Variants in ZNF808 observed in about 807,000 individuals in gnomAD.
ZNF808 encodes the protein zinc finger protein 808.
ZNF808 carries 5 observed loss-of-function variants against 8.7 expected under a neutral mutation model. The ratio of observed to expected loss-of-function variants is 0.58; its 90% CI spans 0.30 to 1.21. The LOEUF is 1.21. Ranked by LOEUF, ZNF808 falls within the 50% of genes most tolerant of loss-of-function variation. ZNF808 has a pLI of 0.07. For synonymous variants in ZNF808, 380 were observed against 366.0 expected, an observed-to-expected ratio of 1.04 and a Z score of -0.44; for missense variants, 1,103 against 1,098.4, an observed-to-expected ratio of 1.00 and a Z score of -0.06.
chr19:52,565,411 T>C (rs1046660293), downstream of ZNF808, among the ~76,000 whole-genome samples: 2 of 152,220 alleles, frequency 1.3e-5, no homozygotes, highest in African/African-American at 4.8e-5. Flanking sequence ...CCTCCCATTT[T>C]ATTCCTAAAC....
intron 1 of ZNF808, among the ~76,000 whole-genome samples, chr19:52,531,028 A>G (rs1351539632): frequency 6.6e-6 from 1 of 152,166 alleles, no homozygotes; most frequent in East Asian, 1.9e-4. Flanking sequence ...ATGCGTCTGT[A>G]GTCCCATCTA....
chr19:52,568,231 G>A (rs1467258254), downstream of ZNF808, among the ~76,000 whole-genome samples: 1 of 152,104 alleles, frequency 6.6e-6, no homozygotes, highest in Non-Finnish European at 1.5e-5. Context: ...GCCATTAGCC[G>A]GGCATGGTGG....
intron 2 of ZNF808, among the ~76,000 whole-genome samples, chr19:52,535,551 T>C (rs1455389465): frequency 2.0e-5 from 3 of 151,880 alleles, no homozygotes; most frequent in Non-Finnish European, 2.9e-5. Flanking sequence ...GTGACCTCAC[T>C]CCTCCCTGGC....
rs1029903079 is a variant in ZNF808 at position 52,556,156 on chromosome 19, A to G, written c.*528A>G. 8.1e-6 allele frequency: 3 copies of G among 369,568 alleles called. No homozygotes were observed. The highest frequency in any genetic ancestry group is 6.4e-5 in the African/African-American group (3 of 46,684). The allele number at this position is 369,568 out of a possible 1,614,324, so 22.9% of individuals were successfully genotyped here. A position where few individuals can be genotyped will look rare whatever the true frequency, so the allele number is the denominator to read the frequency against. On this transcript the variant is annotated 3_prime_UTR_variant, in exon 5 of 5. Coordinates refer to ENST00000359798, the MANE Select transcript of ZNF808 (RefSeq NM_001039886.4). ...GAGTTCAAGCCTTAATTGACATTCA[A>G]GTGTTTATGTTAAGAGGATGGGGCC...
exon 4 of ZNF808, chr19:52,563,700 A>C (rs577060987): frequency 9.0e-4 from 140 of 154,936 alleles, no homozygotes; most frequent in Non-Finnish European, 1.6e-3. Context: ...AGCGGCAGGC[A>C]GACCATCCAC....
In ZNF808 at chr19:52,543,298, A is replaced by G. The variant is rs755459453; in HGVS notation, c.14A>G (p.Glu5Gly). 1.1e-5 allele frequency: 17 copies of G among 1,613,620 alleles called. No individual in the cohort carries two copies. The highest frequency in any genetic ancestry group is 1.0e-5 in the Non-Finnish European group (12 of 1,179,822). ...TTCTAAAGACTCATGTTACGTGAGG[A>G]AGCAGCTCAGAAGAGGAAAGGAAAG... The part of the protein sequence containing the change: MLRE[E>G]AAQKRKGKES... The change falls in exon 3 of 5, where the codon GAA becomes GGA. Residue 5 changes from glutamate to glycine, a missense_variant. Physicochemically the swap from Glu to Gly is moderately conservative, Grantham distance 98 (BLOSUM62 -2). Transcript: ENST00000359798.
At chr19:52,543,732 G>C (rs375267) in intron 3 of ZNF808, among the ~76,000 whole-genome samples, 57,633 of 152,072 alleles carry the variant, frequency 0.38, 12,855 homozygotes, top group African/African-American at 0.6. Flanking sequence ...GTTAATGTGC[G>C]CAGATGTGTG....
chr19:52,551,703 G>A lies in ZNF808; in HGVS notation c.191-1404G>A, dbSNP rs150936856. ...GCAATATAACTGACACACTGCACTC[G>A]TTAATGTCACAAAGTGCCACCAGGT... On this transcript the variant is annotated intron_variant, in intron 4 of 4. Transcript: ENST00000359798. Among the ~76,000 whole-genome samples the A allele has an allele frequency of 9.5e-3, 1,441 of 152,176 alleles. 12 individuals are homozygous for A. The highest frequency in any genetic ancestry group is 0.017 in the Middle Eastern group (5 of 294).
intron 2 of ZNF808, among the ~76,000 whole-genome samples, chr19:52,535,218 T>C (rs964204089): frequency 5.5e-5 from 8 of 146,194 alleles, no homozygotes; most frequent in South Asian, 2.2e-4. Flanking sequence ...GTAGTCCCAG[T>C]TACTCCAAAG....
At chr19:52,535,807 G>A (rs867533307) in intron 2 of ZNF808, among the ~76,000 whole-genome samples, 5 of 152,122 alleles carry the variant, frequency 3.3e-5, no homozygotes, top group Non-Finnish European at 7.4e-5. Context: ...CTTCCTGGCC[G>A]CTCTCACCTC....
At chr19:52,548,227 C>G (rs2059742436) in intron 4 of ZNF808, among the ~76,000 whole-genome samples, 1 of 152,200 alleles carries the variant, frequency 6.6e-6, no homozygotes, top group South Asian at 2.1e-4. Flanking sequence ...GTTCATGTCA[C>G]ATTTTTCACA....
Position 52,555,319 on chromosome 19 carries a change from G to T in ZNF808, c.2403G>T (p.Val801=). Residue 801 remains valine, a synonymous_variant, in exon 5 of 5, where the codon GTG becomes GTT. Coordinates refer to ENST00000359798, the MANE Select transcript of ZNF808 (RefSeq NM_001039886.4). ...YKCTVCDKAF[V]RNSYLARHIR... ...GTACGGTTTGTGACAAGGCTTTCGT[G>T]CGTAATTCATACCTGGCAAGACATA... The T allele has an allele frequency of 6.2e-6, 10 of 1,614,066 alleles. No individual in the cohort carries two copies. Among genetic ancestry groups the T allele is most frequent in the Non-Finnish European group, 8.5e-6 (10 of 1,180,012 alleles).
At chr19:52,566,522 C>T (rs2059873357), downstream of ZNF808, among the ~76,000 whole-genome samples, 1 of 152,114 alleles carries the variant, frequency 6.6e-6, no homozygotes, top group Non-Finnish European at 1.5e-5. Context: ...ATAACTTTAG[C>T]TAATTTAAAA....
intron 1 of ZNF808, among the ~76,000 whole-genome samples, chr19:52,530,489 C>T (rs1453032043): frequency 6.6e-6 from 1 of 152,002 alleles, no homozygotes; most frequent in Admixed American, 6.5e-5. Context: ...CAGTGAAACT[C>T]AATCTCTACT....
intron 4 of ZNF808, among the ~76,000 whole-genome samples, chr19:52,548,846 G>A (rs79268911): frequency 0.018 from 2,736 of 152,206 alleles, 72 homozygotes; most frequent in African/African-American, 0.062. Flanking sequence ...GGCTGGGTGC[G>A]GTGGCTCACG....
At chr19:52,536,000 G>A in intron 2 of ZNF808, 2 of 160,936 alleles carry the variant, frequency 1.2e-5, no homozygotes, top group South Asian at 1.6e-4. Context: ...TCCTGGGCGC[G>A]CAAACCCCGA....
chr19:52,552,922 G>A (rs1334039318), intron 4 of ZNF808, among the ~76,000 whole-genome samples, 185 bp from the exon 5 acceptor site: 2 of 152,010 alleles, frequency 1.3e-5, no homozygotes, highest in Admixed American at 6.6e-5. Flanking sequence ...TCATAGAATT[G>A]ATTTGAAGGA....
At chr19:52,532,462 G>A (rs2059569451) in intron 1 of ZNF808, among the ~76,000 whole-genome samples, 1 of 152,022 alleles carries the variant, frequency 6.6e-6, no homozygotes, top group Non-Finnish European at 1.5e-5. Flanking sequence ...ATTGATTTTG[G>A]TTACCCTTAC....
In ZNF808 at chr19:52,552,322, A is replaced by T. The variant is rs562982036; in HGVS notation, c.191-785A>T. Among the ~76,000 whole-genome samples the T allele has an allele frequency of 2.0e-5, 3 of 151,634 alleles. 1 individual carries two copies. In the South Asian group the frequency reaches 6.2e-4, roughly 32 times the overall value. On this transcript the variant is annotated intron_variant, in intron 4 of 4. Transcript: ENST00000359798. ...ATGAGCCACCGCACCCGGCCCAAAAATTTTTTCAAAAGTCACTAAGTGCCT... is the reference window on the plus strand; with the variant it reads ...ATGAGCCACCGCACCCGGCCCAAAATTTTTTTCAAAAGTCACTAAGTGCCT...
Sources: gnomAD v4.1 joint callset for allele counts (sites outside exome capture counted in the v4.1 genomes callset) on GRCh38, gnomAD v4.1.1 for gene constraint, MANE v1.5 for transcripts, NCBI Gene and HGNC (gene_info 2026-07-23, HGNC 2026-07-21) for gene names.